The following TENM4 variants were observed in gnomAD, a reference collection of about 807,000 sequenced individuals.
TENM4 encodes teneurin transmembrane protein 4.
TENM4 carries 82 observed loss-of-function variants against 243.3 expected under a neutral mutation model. The observed-to-expected ratio is 0.34, with a 90% CI of 0.28 to 0.40. The LOEUF (loss-of-function observed/expected upper bound fraction) is 0.40. TENM4 is among the 10% of genes least tolerant of loss of function. TENM4 has a pLI of 1.00. For missense variants in TENM4, 3,138 were observed against 3,673.3 expected, an observed-to-expected ratio of 0.85 and a Z score of 3.77; for synonymous variants, 1,412 against 1,456.3, an observed-to-expected ratio of 0.97 and a Z score of 0.69.
At chr11:79,326,462 C>T (rs1219144838) in intron 1 of TENM4, among the ~76,000 whole-genome samples, 1 of 152,214 alleles carries the variant, frequency 6.6e-6, no homozygotes, top group Non-Finnish European at 1.5e-5. Context: ...ATGGACTCCC[C>T]ATTCCAAACT....
intron 1 of TENM4, among the ~76,000 whole-genome samples, chr11:79,319,791 C>A (rs193257229): frequency 2.0e-5 from 3 of 152,244 alleles, no homozygotes; most frequent in African/African-American, 7.2e-5. Context: ...CTGCCACCAC[C>A]TTCTCTACTG....
At chr11:79,170,872 T>A (rs961307037) in intron 3 of TENM4, among the ~76,000 whole-genome samples, 1 of 152,086 alleles carries the variant, frequency 6.6e-6, no homozygotes, top group Admixed American at 6.5e-5. Flanking sequence ...GGGAGAGGAT[T>A]GTATACATTT....
intron 4 of TENM4, among the ~76,000 whole-genome samples, chr11:79,098,228 C>G (rs1056335175): frequency 5.3e-4 from 80 of 151,732 alleles, no homozygotes; most frequent in African/African-American, 1.6e-3. Flanking sequence ...CCCACCCCCC[C>G]CCATCTCCCA....
intron 4 of TENM4, among the ~76,000 whole-genome samples, chr11:79,143,437 A>G (rs1862332274): frequency 6.6e-6 from 1 of 152,086 alleles, no homozygotes; most frequent in African/African-American, 2.4e-5. Flanking sequence ...CAGAAAACCA[A>G]ACACTGCATG....
At chr11:78,810,918 A>G (rs1212145360) in intron 14 of TENM4, among the ~76,000 whole-genome samples, 1 of 152,192 alleles carries the variant, frequency 6.6e-6, no homozygotes, top group Non-Finnish European at 1.5e-5. Flanking sequence ...GGCACACAGC[A>G]TCATCCGTCA....
chr11:78,761,232 C>G (rs1565367825), intron 18 of TENM4, among the ~76,000 whole-genome samples: 4 of 151,042 alleles, frequency 2.6e-5, no homozygotes, highest in African/African-American at 9.7e-5. Context: ...GGGTGGTTTT[C>G]TTTTTTTTCT....
rs1020676014 is a variant in TENM4, at chr11:79,010,899, C to T, written c.493+53839G>A. Among the ~76,000 whole-genome samples the T allele has an allele frequency of 3.3e-5, 5 of 152,210 alleles. No individual in the cohort carries two copies. The East Asian group carries it at 7.7e-4, about 23-fold the overall frequency. On this transcript the variant is annotated intron_variant, in intron 6 of 33. Coordinates refer to ENST00000278550, the MANE Select transcript of TENM4 (RefSeq NM_001098816.3). ...TCCACAATGTTTAGGAGAAAGAAGA[C>T]AGGCTTTAGAGTCAGACTCTGCCCC... is the stretch of plus-strand genomic sequence containing the variant.
chr11:79,424,324 G>A (rs932373139), intron 1 of TENM4, among the ~76,000 whole-genome samples: 2 of 152,202 alleles, frequency 1.3e-5, no homozygotes, highest in African/African-American at 4.8e-5. Flanking sequence ...AAGTTGGCCA[G>A]GTGCAGTAGC....
At chr11:79,130,694 G>C (rs1217836270) in intron 4 of TENM4, among the ~76,000 whole-genome samples, 1 of 152,050 alleles carries the variant, frequency 6.6e-6, no homozygotes, top group African/African-American at 2.4e-5. Context: ...GTGGTGACAG[G>C]TGCCTGTGGT....
chr11:79,434,611 C>T (rs1483494198), intron 1 of TENM4, among the ~76,000 whole-genome samples: 1 of 152,164 alleles, frequency 6.6e-6, no homozygotes, highest in Non-Finnish European at 1.5e-5. Flanking sequence ...ATTTGTGTAT[C>T]AGTTCAGCAG....
chr11:79,079,543 TG>T (rs1378234106), intron 4 of TENM4, among the ~76,000 whole-genome samples: 1 of 152,114 alleles, frequency 6.6e-6, no homozygotes, highest in Non-Finnish European at 1.5e-5. Flanking sequence ...TCAGAAAATG[TG>T]TTAGGCTGGG....
chr11:78,826,639 G>A (rs1231265679), intron 12 of TENM4, among the ~76,000 whole-genome samples: 2 of 152,008 alleles, frequency 1.3e-5, no homozygotes, highest in Admixed American at 6.5e-5. Flanking sequence ...TAGGGTTACT[G>A]TCCCTTATCA....
intron 6 of TENM4, among the ~76,000 whole-genome samples, chr11:79,012,261 C>T (rs1858665890): frequency 1.3e-5 from 2 of 152,180 alleles, no homozygotes; most frequent in African/African-American, 4.8e-5. Context: ...TCCCCGACGG[C>T]CTCATGTCTG....
intron 1 of TENM4, among the ~76,000 whole-genome samples, chr11:79,371,481 C>G (rs973491264): frequency 3.9e-5 from 6 of 152,214 alleles, no homozygotes; most frequent in African/African-American, 1.4e-4. Flanking sequence ...CTAACAAGCC[C>G]TGAAACACAG....
chr11:79,000,794 G>T (rs1027178639), intron 6 of TENM4, among the ~76,000 whole-genome samples: 5 of 152,254 alleles, frequency 3.3e-5, no homozygotes, highest in African/African-American at 7.2e-5. Context: ...ACTTTGGGAG[G>T]CTGAGGCAGG....
chr11:79,317,693 C>A (rs1856825386), intron 1 of TENM4, among the ~76,000 whole-genome samples: 1 of 152,140 alleles, frequency 6.6e-6, no homozygotes, highest in African/African-American at 2.4e-5. Flanking sequence ...GCATGTCTGA[C>A]CTCAAAACTC....
intron 6 of TENM4, among the ~76,000 whole-genome samples, chr11:78,960,059 T>G (rs1565144398): frequency 6.6e-6 from 1 of 151,468 alleles, no homozygotes; most frequent in Non-Finnish European, 1.5e-5. Context: ...ACTGGCAAAA[T>G]GGGGAAACTG....
At chr11:78,811,551 T>C (rs1857499856) in intron 14 of TENM4, among the ~76,000 whole-genome samples, 2 of 148,684 alleles carry the variant, frequency 1.3e-5, no homozygotes, top group South Asian at 4.3e-4. Context: ...TCATGGGCAC[T>C]GCAGAGCCAT....
intron 12 of TENM4, among the ~76,000 whole-genome samples, chr11:78,824,133 G>A (rs1464996630): frequency 6.6e-6 from 1 of 152,136 alleles, no homozygotes; most frequent in African/African-American, 2.4e-5. Flanking sequence ...AAAAATAAAA[G>A]CATGCTGTAT....
Sources: allele counts gnomAD v4.1 joint callset (sites outside exome capture counted in the v4.1 genomes callset), GRCh38; gene constraint gnomAD v4.1.1; transcripts MANE v1.5; gene names NCBI Gene and HGNC (gene_info 2026-07-23, HGNC 2026-07-21).